Variants in ZNF644 observed in about 807,000 individuals in gnomAD.
ZNF644 encodes zinc finger protein 644, also known as zinc finger motif enhancer binding protein 2.
ZNF644 carries 20 observed loss-of-function variants against 108.0 expected under a neutral mutation model. That is an observed-to-expected ratio of 0.19 (90% CI 0.13 to 0.27). ZNF644 has a LOEUF of 0.27. ZNF644 is among the 10% of genes least tolerant of loss of function. The probability of loss-of-function intolerance (pLI) is 1.00; values close to 1 mark genes in which losing one functional copy is unlikely to be tolerated. For missense variants in ZNF644, 1,338 were observed against 1,548.9 expected, an observed-to-expected ratio of 0.86 and a Z score of 2.29; for synonymous variants, 542 against 539.1, an observed-to-expected ratio of 1.01 and a Z score of -0.08.
chr1:90,985,492 A>T (rs935885713), intron 1 of ZNF644, among the ~76,000 whole-genome samples: 11 of 152,160 alleles, frequency 7.2e-5, no homozygotes, highest in African/African-American at 2.7e-4. Context: ...GGTAAACACC[A>T]TTTCACTCTC....
intron 4 of ZNF644, among the ~76,000 whole-genome samples, chr1:90,934,929 T>G (rs1651156181): frequency 6.6e-6 from 1 of 152,150 alleles, no homozygotes; most frequent in African/African-American, 2.4e-5. Flanking sequence ...TTATGCTATG[T>G]TGCCCAGGCT....
chr1:90,976,252 T>G (rs1655996457), intron 2 of ZNF644, among the ~76,000 whole-genome samples: 1 of 152,226 alleles, frequency 6.6e-6, no homozygotes, highest in East Asian at 1.9e-4. Flanking sequence ...ACTTCTTCCT[T>G]AAAAACGTCC....
At chr1:90,921,826 G>A (rs1315997778) in intron 4 of ZNF644, among the ~76,000 whole-genome samples, 1 of 151,720 alleles carries the variant, frequency 6.6e-6, no homozygotes, top group Admixed American at 6.6e-5. Context: ...AAACTCATGA[G>A]TCCTCAAAAA....
chr1:90,967,314 G>T (rs1013524908), intron 2 of ZNF644, among the ~76,000 whole-genome samples: 7 of 152,148 alleles, frequency 4.6e-5, no homozygotes, highest in African/African-American at 1.7e-4. Context: ...AGCTCTTAAA[G>T]TCACTTACTC....
intron 2 of ZNF644, among the ~76,000 whole-genome samples, chr1:90,978,725 T>C (rs1420288693): frequency 1.3e-5 from 2 of 152,092 alleles, no homozygotes; most frequent in Admixed American, 6.6e-5. Context: ...GAAGAAAAAT[T>C]AGTCTAAAGT....
chr1:90,935,732 A>G lies in ZNF644; in HGVS notation c.3688+1753T>C, dbSNP rs190230269. Among the ~76,000 whole-genome samples, 388 of 152,314 alleles carry G rather than the reference A, an allele frequency of 2.5e-3. 2 individuals carry two copies. Among genetic ancestry groups the G allele is most frequent in the Admixed American group, 4.5e-3 (69 of 15,298 alleles). On this transcript the variant is annotated intron_variant, in intron 4 of 5. Coordinates refer to ENST00000337393, the MANE Select transcript of ZNF644 (RefSeq NM_201269.3). ...TTTAGAGTCAACTCATGCTCTTTGG[A>G]AAGGTAGACGAGGAGTGACTTGAAC...
chr1:90,978,914 G>A (rs1570486544), intron 2 of ZNF644, among the ~76,000 whole-genome samples: 1 of 151,996 alleles, frequency 6.6e-6, no homozygotes, highest in East Asian at 1.9e-4. Flanking sequence ...AAGACAGAAG[G>A]AACAGCATGA....
intron 1 of ZNF644, among the ~76,000 whole-genome samples, chr1:91,013,428 A>C (rs1259540066): frequency 6.7e-6 from 1 of 148,920 alleles, no homozygotes. Flanking sequence ...GGCACCCTCC[A>C]ATATATATTT....
At chr1:90,928,190 T>C (rs537331411) in intron 4 of ZNF644, among the ~76,000 whole-genome samples, 6 of 151,466 alleles carry the variant, frequency 4.0e-5, no homozygotes, top group Admixed American at 6.6e-5. Context: ...TCTCACTCTG[T>C]CGCCCAGGCT....
chr1:90,967,568 A>G (rs946006199), intron 2 of ZNF644, among the ~76,000 whole-genome samples: 5 of 152,230 alleles, frequency 3.3e-5, no homozygotes, highest in African/African-American at 1.2e-4. Flanking sequence ...ACTAAAAGGT[A>G]GTAGTCAACC....
intron 5 of ZNF644, 70 bp from the exon 6 acceptor site, chr1:90,917,060 TAAAAC>T: frequency 6.7e-7 from 1 of 1,481,982 alleles, no homozygotes; most frequent in Admixed American, 1.7e-5. Context: ...CACAAAATCC[TAAAAC>T]ATAAGGAATA....
At chr1:90,966,698 C>T (rs1185341807) in intron 2 of ZNF644, among the ~76,000 whole-genome samples, 3 of 136,094 alleles carry the variant, frequency 2.2e-5, no homozygotes, top group Non-Finnish European at 4.6e-5. Context: ...TGTGGTGAAC[C>T]AAGATTGTAC....
chr1:91,003,231 C>T (rs370047069), intron 1 of ZNF644, among the ~76,000 whole-genome samples: 1 of 151,998 alleles, frequency 6.6e-6, no homozygotes, highest in Non-Finnish European at 1.5e-5. Context: ...CACATGCACA[C>T]GTATGTTTAT....
chr1:91,001,747 T>C (rs1413115370), intron 1 of ZNF644, among the ~76,000 whole-genome samples: 2 of 152,140 alleles, frequency 1.3e-5, no homozygotes, highest in Non-Finnish European at 2.9e-5. Context: ...AGTCAAATTG[T>C]CCCTGTTTGC....
intron 1 of ZNF644, chr1:91,021,647 C>T (rs1465338994): frequency 2.6e-5 from 3 of 116,560 alleles, no homozygotes; most frequent in Non-Finnish European, 5.7e-5. Context: ...CCCCCCCCAT[C>T]CCCCCGCCGA....
intron 1 of ZNF644, among the ~76,000 whole-genome samples, chr1:90,986,506 T>TAAC (rs1234244008): frequency 6.6e-6 from 1 of 152,066 alleles, no homozygotes; most frequent in Non-Finnish European, 1.5e-5. Flanking sequence ...TCATTAACTG[T>TAAC]AACAAATGTA....
chr1:90,949,065 T>C (rs1468140801), intron 2 of ZNF644, among the ~76,000 whole-genome samples: 1 of 152,074 alleles, frequency 6.6e-6, no homozygotes. Context: ...GATTTACAAT[T>C]TAATCTATTG....
At chr1:91,008,976 C>T (rs1051604583) in intron 1 of ZNF644, among the ~76,000 whole-genome samples, 4 of 152,154 alleles carry the variant, frequency 2.6e-5, no homozygotes, top group Non-Finnish European at 4.4e-5. Flanking sequence ...CAGCAGCTCA[C>T]ACCTGTAATC....
chr1:90,942,708 A>G (rs1652118832), intron 2 of ZNF644, among the ~76,000 whole-genome samples: 2 of 152,198 alleles, frequency 1.3e-5, no homozygotes, highest in South Asian at 4.1e-4. Flanking sequence ...TGATTTATTA[A>G]CTCAGTAATT....
Sources: allele counts gnomAD v4.1 joint callset (sites outside exome capture counted in the v4.1 genomes callset), GRCh38; gene constraint gnomAD v4.1.1; transcripts MANE v1.5; gene names NCBI Gene and HGNC (gene_info 2026-07-23, HGNC 2026-07-21).